Variants in TCF4 observed in about 807,000 individuals in gnomAD.
TCF4 encodes the protein SL3-3 enhancer factor 2.
In TCF4, 3 loss-of-function variants were observed where a neutral mutation model predicts 82.1. The observed-to-expected ratio is 0.04, with a 90% confidence interval of 0.02 to 0.09. TCF4 has a LOEUF of 0.09. Ranked by LOEUF, TCF4 falls within the 10% of genes least tolerant of loss-of-function variation. The probability of loss-of-function intolerance (pLI) is 1.00; values close to 1 mark genes in which losing one functional copy is unlikely to be tolerated. For missense variants in TCF4, 518 were observed against 852.7 expected, an observed-to-expected ratio of 0.61 and a Z score of 4.89; for synonymous variants, 276 against 309.6, an observed-to-expected ratio of 0.89 and a Z score of 1.14.
intron 5 of TCF4, among the ~76,000 whole-genome samples, chr18:55,460,257 C>CA (rs960497680): frequency 2.0e-4 from 30 of 147,136 alleles, no homozygotes; most frequent in Middle Eastern, 3.5e-3. Flanking sequence ...GAACAAAGAT[C>CA]TTTTTTTTTT....
chr18:55,232,626 G>A lies in TCF4; in HGVS notation c.1532C>T (p.Ser511Phe). 1 of 1,614,090 alleles carries A rather than the reference G, an allele frequency of 6.2e-7. No individual in the cohort carries two copies. Among genetic ancestry groups the A allele is most frequent in the Non-Finnish European group, 8.5e-7 (1 of 1,180,002 alleles). ...ACCCTCGTCATCGGATTTGATCTCA[G>A]AGCTGCCAGAGGAGACACTCTGCCC... ...LQGQSVSSGS[S>F]EIKSDDEGDE... is the part of the protein sequence containing the mutation. The change falls in exon 17 of 20, where the codon TCT (serine) becomes TTT (phenylalanine). Residue 511 changes from serine (S) to phenylalanine (F), a missense_variant. Physicochemically the swap from Ser to Phe is radical, Grantham distance 155. This residue lies in a region of TCF4 where 144 missense variants were observed against 190.2 expected (regional missense o/e 0.76). Transcript: ENST00000354452.
intron 11 of TCF4, among the ~76,000 whole-genome samples, chr18:55,263,336 A>C (rs550782861): frequency 6.6e-6 from 1 of 152,192 alleles, no homozygotes; most frequent in African/African-American, 2.4e-5. Context: ...ACATCATACA[A>C]TTGGACCACT....
chr18:55,593,293 C>T (rs903515499), upstream of TCF4, among the ~76,000 whole-genome samples: 2 of 152,072 alleles, frequency 1.3e-5, no homozygotes, highest in East Asian at 3.9e-4. Context: ...ATCTTAAATA[C>T]CTTACATGAC....
At chr18:55,493,221 C>T (rs529615596) in intron 3 of TCF4, among the ~76,000 whole-genome samples, 2 of 152,224 alleles carry the variant, frequency 1.3e-5, no homozygotes, top group East Asian at 3.9e-4. Flanking sequence ...AATACCATTA[C>T]CAACTTGAAA....
In TCF4 at chr18:55,261,846, C is replaced by T. The variant is rs560827339; in HGVS notation, c.923-313G>A. Among the ~76,000 whole-genome samples the T allele has an allele frequency of 8.5e-5, 13 of 152,322 alleles. No homozygotes were observed. In the South Asian group the frequency reaches 1.9e-3, roughly 22 times the overall value. ...GGTCATTGCTGACAAGTATAGACTA[C>T]TTTCAGGTCTCTGGAGTCCTCAGAG... On this transcript the variant is annotated intron_variant, in intron 11 of 19. Transcript: ENST00000354452.
At chr18:55,494,349 T>C (rs1239091100) in intron 3 of TCF4, among the ~76,000 whole-genome samples, 5 of 151,360 alleles carry the variant, frequency 3.3e-5, no homozygotes, top group South Asian at 2.1e-4. Context: ...GTGGTTTGGA[T>C]GCACACAGAG....
chr18:55,518,726 A>G (rs2096906681), intron 3 of TCF4, among the ~76,000 whole-genome samples: 2 of 152,356 alleles, frequency 1.3e-5, no homozygotes, highest in South Asian at 4.1e-4. Context: ...TATCAGTAAC[A>G]TAACAGTGTT....
chr18:55,242,207 T>C (rs1351214597), intron 15 of TCF4, among the ~76,000 whole-genome samples: 4 of 152,206 alleles, frequency 2.6e-5, no homozygotes, highest in Non-Finnish European at 5.9e-5. Context: ...GAGCTCACTA[T>C]GCATTACAGA....
chr18:55,438,316 G>C (rs1176789370), intron 5 of TCF4, among the ~76,000 whole-genome samples: 1 of 134,676 alleles, frequency 7.4e-6, no homozygotes, highest in Non-Finnish European at 1.6e-5. Context: ...ATTGAGGTGG[G>C]GTTGGTATTG....
intron 3 of TCF4, among the ~76,000 whole-genome samples, chr18:55,518,046 T>C (rs2096899625): frequency 1.3e-5 from 2 of 152,186 alleles, no homozygotes; most frequent in Admixed American, 1.3e-4. Context: ...TTATCCTAAA[T>C]GATTACATGA....
chr18:55,527,769 C>T (rs913852569), intron 3 of TCF4, among the ~76,000 whole-genome samples: 4 of 152,078 alleles, frequency 2.6e-5, no homozygotes, highest in Middle Eastern at 3.4e-3. Context: ...TTAGATTGGC[C>T]TCCCCCAAGA....
intron 5 of TCF4, among the ~76,000 whole-genome samples, chr18:55,446,371 G>C (rs1000641767): frequency 6.6e-6 from 1 of 152,120 alleles, no homozygotes; most frequent in Non-Finnish European, 1.5e-5. Flanking sequence ...ATTGTTATCA[G>C]GTATTCTATT....
At chr18:55,536,630 A>C (rs1324552470) in intron 3 of TCF4, among the ~76,000 whole-genome samples, 1 of 152,274 alleles carries the variant, frequency 6.6e-6, no homozygotes, top group Non-Finnish European at 1.5e-5. Context: ...TGCTGTATTC[A>C]AACCATATTA....
At chr18:55,626,594 C>G (rs1341701472) in intron 2 of TCF4, among the ~76,000 whole-genome samples, 2 of 152,160 alleles carry the variant, frequency 1.3e-5, no homozygotes, top group African/African-American at 4.8e-5. Context: ...TCTGTTTCTT[C>G]TTTCTCAAAG....
intron 3 of TCF4, among the ~76,000 whole-genome samples, chr18:55,516,608 G>C (rs1196504897): frequency 6.6e-6 from 1 of 152,156 alleles, no homozygotes; most frequent in East Asian, 1.9e-4. Context: ...GGAAATGACT[G>C]TAATCTTCAA....
At chr18:55,346,783 G>C (rs141876240) in intron 8 of TCF4, among the ~76,000 whole-genome samples, 1 of 152,162 alleles carries the variant, frequency 6.6e-6, no homozygotes, top group Non-Finnish European at 1.5e-5. Flanking sequence ...TTGATGGGCA[G>C]AATAAAGTTT....
At chr18:55,293,846 T>A in intron 8 of TCF4, among the ~76,000 whole-genome samples, 1 of 149,600 alleles carries the variant, frequency 6.7e-6, no homozygotes, top group Non-Finnish European at 1.5e-5. Flanking sequence ...AATAGTATAA[T>A]ATGGAGAGGA....
chr18:55,228,089 G>T, intron 19 of TCF4, 59 bp from the exon 20 acceptor site: 2 of 1,160,740 alleles, frequency 1.7e-6, no homozygotes, highest in South Asian at 1.4e-5. Context: ...GAAAAAGTAT[G>T]CTTTTTTTAA....
At chr18:55,313,288 G>A (rs1568933387) in intron 8 of TCF4, among the ~76,000 whole-genome samples, 2 of 152,084 alleles carry the variant, frequency 1.3e-5, no homozygotes, top group East Asian at 3.8e-4. Context: ...GTGAAGCCGG[G>A]GGGAGATTAA....
Sources: allele counts gnomAD v4.1 joint callset (sites outside exome capture counted in the v4.1 genomes callset), GRCh38; gene constraint gnomAD v4.1.1; regional missense constraint gnomAD v4.1.1; transcripts MANE v1.5; gene names NCBI Gene and HGNC (gene_info 2026-07-23, HGNC 2026-07-21).